Variants in CNTNAP5 observed in about 807,000 individuals in gnomAD.
The protein encoded by CNTNAP5 is contactin-associated protein-like 5.
CNTNAP5 carries 72 observed loss-of-function variants against 150.2 expected under a neutral mutation model. The observed-to-expected ratio is 0.48, with a 90% CI of 0.40 to 0.58. The LOEUF is 0.58. Among genes scored for constraint, CNTNAP5 ranks in the 20% least tolerant of loss-of-function variants. CNTNAP5 has a pLI of 0.00. For missense variants in CNTNAP5, 1,636 were observed against 1,626.2 expected (o/e 1.01, Z -0.10); for synonymous variants, 672 against 619.8 (o/e 1.08, Z -1.25).
At chr2:124,490,584 G>A (rs1428228877) in intron 7 of CNTNAP5, among the ~76,000 whole-genome samples, 1 of 151,750 alleles carries the variant, frequency 6.6e-6, no homozygotes, top group African/African-American at 2.4e-5. Flanking sequence ...GTCAAAATTG[G>A]CAAAACTATC....
intron 19 of CNTNAP5, among the ~76,000 whole-genome samples, chr2:124,818,344 A>AC (rs1322040507): frequency 2.0e-5 from 3 of 151,808 alleles, no homozygotes; most frequent in Non-Finnish European, 2.9e-5. Flanking sequence ...ACAAAGAGAG[A>AC]CCCCCGCCTT....
At chr2:124,856,232 C>T (rs1677370951) in intron 19 of CNTNAP5, among the ~76,000 whole-genome samples, 1 of 152,082 alleles carries the variant, frequency 6.6e-6, no homozygotes, top group African/African-American at 2.4e-5. Flanking sequence ...TCTTAATCTG[C>T]TAGTTGATTG....
chr2:124,025,521 G>T lies in CNTNAP5; in HGVS notation c.-130G>T. On this transcript the variant is annotated 5_prime_UTR_variant, in exon 1 of 24. Transcript: ENST00000682447. ...CGTCTGGGCACGGGATGGAGTGAAA[G>T]AGCGAGTGCCTCTCCAAGCGGGGGT... is the stretch of plus-strand genomic sequence containing the variant. The T allele has an allele frequency of 1.4e-6, 1 of 724,812 alleles. No homozygotes were observed. The highest frequency in any genetic ancestry group is 1.6e-5 in the South Asian group (1 of 61,824). 44.9% of individuals were successfully genotyped at this position (724,812 alleles called of 1,614,324 possible). A position where few individuals can be genotyped will look rare whatever the true frequency, so the allele number is the denominator to read the frequency against.
At position 124,504,458 on chromosome 2, in the gene CNTNAP5, T is replaced by C; in HGVS notation, c.1229T>C (p.Leu410Pro). 2 of 1,613,774 alleles carry C rather than the reference T, an allele frequency of 1.2e-6. No individual in the cohort carries two copies. Among genetic ancestry groups the C allele is most frequent in the Non-Finnish European group, 1.7e-6 (2 of 1,179,806 alleles). ...GATGGTCTGCTTCTGTCCACAGAGC[T>C]GTCTGAGGGCTCGGGAACCCTGCTG... ...NKDGLLLSTE[L>P]SEGSGTLLLS... The change falls in exon 8 of 24, where the codon CTG becomes CCG. Residue 410 changes from leucine to proline, a missense_variant. Transcript: ENST00000682447.
chr2:124,533,389 G>A (rs936703644), intron 10 of CNTNAP5, among the ~76,000 whole-genome samples: 4 of 152,152 alleles, frequency 2.6e-5, no homozygotes, highest in Non-Finnish European at 5.9e-5. Context: ...CTGGAAATTT[G>A]CATTTCTAAG....
chr2:124,626,409 C>G (rs2105003254), intron 12 of CNTNAP5, among the ~76,000 whole-genome samples: 1 of 152,210 alleles, frequency 6.6e-6, no homozygotes, highest in Admixed American at 6.5e-5. Context: ...AGGTGGTGGG[C>G]TTGACCTACA....
chr2:124,082,931 G>C (rs888085518), intron 1 of CNTNAP5, among the ~76,000 whole-genome samples: 56 of 152,220 alleles, frequency 3.7e-4, no homozygotes, highest in African/African-American at 1.3e-3. Flanking sequence ...TTTGCCATCT[G>C]AATATCCTGT....
chr2:124,236,537 C>A (rs1307194720), intron 2 of CNTNAP5, among the ~76,000 whole-genome samples: 2 of 152,206 alleles, frequency 1.3e-5, no homozygotes, highest in Admixed American at 1.3e-4. Context: ...ATTACTCTTA[C>A]ACATACTGCA....
At chr2:124,642,399 A>C (rs1678112682) in intron 12 of CNTNAP5, among the ~76,000 whole-genome samples, 1 of 152,200 alleles carries the variant, frequency 6.6e-6, no homozygotes, top group South Asian at 2.1e-4. Context: ...GAAATGCCGA[A>C]ACTAAGAACC....
intron 1 of CNTNAP5, among the ~76,000 whole-genome samples, chr2:124,182,268 C>T (rs77667651): frequency 0.017 from 2,646 of 152,240 alleles, 97 homozygotes; most frequent in African/African-American, 0.061. Flanking sequence ...AAATCTCACC[C>T]TCACATCCTC....
chr2:124,282,535 G>T (rs551418945), intron 3 of CNTNAP5, among the ~76,000 whole-genome samples: 1 of 152,020 alleles, frequency 6.6e-6, no homozygotes, highest in Non-Finnish European at 1.5e-5. Flanking sequence ...CTCTGTAATT[G>T]ACAACAGCTG....
chr2:124,834,029 A>T (rs1003072584), intron 19 of CNTNAP5, among the ~76,000 whole-genome samples: 4 of 152,218 alleles, frequency 2.6e-5, no homozygotes, highest in Non-Finnish European at 4.4e-5. Context: ...GAGAAATAGA[A>T]GATAATAACA....
At chr2:124,213,504 G>A (rs1686074752) in intron 1 of CNTNAP5, among the ~76,000 whole-genome samples, 1 of 152,132 alleles carries the variant, frequency 6.6e-6, no homozygotes, top group Non-Finnish European at 1.5e-5. Flanking sequence ...AATTTATGTA[G>A]TCTGAAATAC....
intron 3 of CNTNAP5, among the ~76,000 whole-genome samples, chr2:124,246,674 G>A (rs1687036852): frequency 6.6e-6 from 1 of 152,104 alleles, no homozygotes; most frequent in South Asian, 2.1e-4. Flanking sequence ...TACTGTTCAT[G>A]TTATATCCAT....
intron 3 of CNTNAP5, among the ~76,000 whole-genome samples, chr2:124,389,299 T>TG (rs1691050779): frequency 6.6e-6 from 1 of 152,200 alleles, no homozygotes; most frequent in Non-Finnish European, 1.5e-5. Flanking sequence ...TTCACTGTCC[T>TG]TTTTTCCAAA....
At chr2:124,793,840 A>G (rs538760695) in intron 18 of CNTNAP5, among the ~76,000 whole-genome samples, 141 of 152,302 alleles carry the variant, frequency 9.3e-4, no homozygotes, top group Non-Finnish European at 1.4e-3. Flanking sequence ...CCACTGTCAT[A>G]GTGTTTTAAT....
intron 2 of CNTNAP5, among the ~76,000 whole-genome samples, chr2:124,239,329 T>C (rs1377858312): frequency 1.3e-5 from 2 of 152,124 alleles, no homozygotes; most frequent in Non-Finnish European, 1.5e-5. Context: ...CTAATTAGAA[T>C]AGATGAAGGA....
intron 3 of CNTNAP5, among the ~76,000 whole-genome samples, chr2:124,370,682 A>G (rs1413216566): frequency 6.6e-6 from 1 of 152,182 alleles, no homozygotes; most frequent in African/African-American, 2.4e-5. Context: ...TTGATTTACC[A>G]GATCCACTGT....
intron 13 of CNTNAP5, among the ~76,000 whole-genome samples, chr2:124,719,955 T>G (rs966695039): frequency 1.3e-5 from 2 of 152,170 alleles, no homozygotes; most frequent in Non-Finnish European, 2.9e-5. Flanking sequence ...ACAGATGATT[T>G]CCGTGGGGAA....
Sources: allele counts gnomAD v4.1 joint callset (sites outside exome capture counted in the v4.1 genomes callset), GRCh38; gene constraint gnomAD v4.1.1; transcripts MANE v1.5; gene names NCBI Gene and HGNC (gene_info 2026-07-23, HGNC 2026-07-21).